Variants in HOMER2 observed in about 807,000 individuals in gnomAD.
The protein encoded by HOMER2 is homer scaffold protein 2.
A neutral mutation model predicts 47.0 loss-of-function variants in HOMER2; 27 were observed. The ratio of observed to expected loss-of-function variants is 0.57; its 90% CI spans 0.42 to 0.79. The LOEUF (loss-of-function observed/expected upper bound fraction) is 0.79, where lower values mean the gene tolerates loss of function less well. Among genes scored for constraint, HOMER2 ranks in the 30% least tolerant of loss-of-function variants. The pLI, the probability that HOMER2 is intolerant of heterozygous loss-of-function variation, is 0.00. For missense variants in HOMER2, 443 were observed against 435.0 expected (o/e 1.02, Z -0.16); for synonymous variants, 161 against 163.8 (o/e 0.98, Z 0.13).
At chr15:82,898,279 G>C (rs2038106319) in intron 1 of HOMER2, 1 of 152,198 alleles carries the variant, frequency 6.6e-6, no homozygotes, top group Non-Finnish European at 1.5e-5. Flanking sequence ...ATTTCCTCCA[G>C]TGTGCAAATC....
At chr15:82,978,462 C>T (rs563529121) in intron 1 of HOMER2, among the ~76,000 whole-genome samples, 7 of 152,062 alleles carry the variant, frequency 4.6e-5, no homozygotes, top group African/African-American at 1.7e-4. Flanking sequence ...ACCAGGTAGA[C>T]CAGAGTGGGG....
chr15:82,838,029 G>C (rs2051144149), exon 2 of HOMER2: 1 of 152,636 alleles, frequency 6.6e-6, no homozygotes, highest in Admixed American at 6.5e-5. Flanking sequence ...GGATTCCAGG[G>C]ATGGAACAGC....
intron 3 of HOMER2, among the ~76,000 whole-genome samples, chr15:82,868,714 G>A (rs1028389926): frequency 2.0e-5 from 3 of 150,232 alleles, no homozygotes; most frequent in African/African-American, 7.3e-5. Flanking sequence ...ACCACGCCCG[G>A]CTAATTTTGT....
chr15:82,852,107 C>A, intron 7 of HOMER2, 35 bp downstream of exon 7: 4 of 1,511,944 alleles, frequency 2.6e-6, no homozygotes, highest in Non-Finnish European at 2.8e-6. Flanking sequence ...GCCAAGAGGA[C>A]GCCAAGGGGC....
intron 2 of HOMER2, among the ~76,000 whole-genome samples, chr15:82,890,611 T>G (rs1014099155): frequency 4.6e-5 from 7 of 152,220 alleles, no homozygotes; most frequent in Admixed American, 4.6e-4. Context: ...TGTCACAGCC[T>G]TCAGGAACTG....
At chr15:82,902,475 C>T (rs1190918704) in intron 1 of HOMER2, among the ~76,000 whole-genome samples, 1 of 152,152 alleles carries the variant, frequency 6.6e-6, no homozygotes, top group Non-Finnish European at 1.5e-5. Flanking sequence ...GGATTACAGG[C>T]ATGAGCCACT....
intron 1 of HOMER2, among the ~76,000 whole-genome samples, chr15:82,935,721 A>G (rs1174389629): frequency 6.6e-6 from 1 of 152,042 alleles, no homozygotes; most frequent in Non-Finnish European, 1.5e-5. Flanking sequence ...CTCATCCCTT[A>G]TGCCATATCT....
rs116044758 is a variant in HOMER2 at position 82,868,412 on chromosome 15, A to G, written c.295-4153T>C. ...ACATATAGAGAAGAACAACACACAC[A>G]GAAGCCTACTGGAGGGTGGAGGGTG... On this transcript the variant is annotated intron_variant, in intron 3 of 8. Transcript: ENST00000450735. Among the ~76,000 whole-genome samples, 351 of 151,168 alleles carry G rather than the reference A, an allele frequency of 2.3e-3. 2 individuals carry two copies. Among genetic ancestry groups the G allele is most frequent in the African/African-American group, 7.8e-3 (320 of 41,200 alleles).
chr15:82,939,556 A>G (rs2054216518), intron 1 of HOMER2, among the ~76,000 whole-genome samples: 1 of 152,088 alleles, frequency 6.6e-6, no homozygotes, highest in Admixed American at 6.6e-5. Flanking sequence ...TGTAGTCCCA[A>G]CTACTTGGGG....
intron 1 of HOMER2, among the ~76,000 whole-genome samples, chr15:82,962,701 G>A (rs2054642156): frequency 1.3e-5 from 2 of 152,108 alleles, no homozygotes; most frequent in Admixed American, 1.3e-4. Flanking sequence ...GGGAAGTGGG[G>A]ACATGCCTAG....
chr15:82,836,653 A>G (rs1464650417), downstream of HOMER2, among the ~76,000 whole-genome samples: 1 of 152,222 alleles, frequency 6.6e-6, no homozygotes, highest in Non-Finnish European at 1.5e-5. Context: ...ATCTGCTCCT[A>G]GTACAGCCAA....
chr15:82,845,642 A>G (rs1041519790), downstream of HOMER2: 8 of 152,202 alleles, frequency 5.3e-5, no homozygotes, highest in Admixed American at 2.6e-4. Flanking sequence ...AGAAGGATGA[A>G]TGGAACAAAC....
intron 1 of HOMER2, among the ~76,000 whole-genome samples, chr15:82,909,436 G>C (rs886552704): frequency 3.3e-5 from 5 of 152,152 alleles, no homozygotes; most frequent in African/African-American, 1.2e-4. Context: ...TTTTAAAGAG[G>C]ACAGCGGTAC....
At chr15:82,928,231 C>T (rs892216636) in intron 1 of HOMER2, among the ~76,000 whole-genome samples, 10 of 152,164 alleles carry the variant, frequency 6.6e-5, no homozygotes, top group East Asian at 1.9e-4. Context: ...TTCCCACTGG[C>T]GGCCACCGCA....
Position 82,945,921 on chromosome 15 carries a change from A to G in HOMER2, c.5+6610T>C, listed in dbSNP as rs62011740. On this transcript the variant is annotated intron_variant, in intron 1 of 8. Transcript: ENST00000450735. ...AGAGGCGGAGGTTGCAGTGAGCCGA[A>G]ATCGCACCACTGCACTCCAGCATGG... Among the ~76,000 whole-genome samples, 383 of 152,126 alleles carry G rather than the reference A, an allele frequency of 2.5e-3. 1 individual carries two copies. The highest frequency in any genetic ancestry group is 4.6e-3 in the Non-Finnish European group (310 of 67,978).
At chr15:82,879,521 TAAAG>T (rs991349550) in intron 2 of HOMER2, among the ~76,000 whole-genome samples, 4 of 151,994 alleles carry the variant, frequency 2.6e-5, no homozygotes, top group African/African-American at 9.7e-5. Context: ...AGAAAGAAAA[TAAAG>T]AAATCATAGT....
chr15:82,955,301 C>G (rs2151246723), upstream of HOMER2, among the ~76,000 whole-genome samples: 1 of 151,962 alleles, frequency 6.6e-6, no homozygotes, highest in Admixed American at 6.6e-5. Context: ...TCCCGAGTAG[C>G]TGGGGCTACA....
intron 1 of HOMER2, among the ~76,000 whole-genome samples, chr15:82,914,423 T>C (rs1036991411): frequency 6.8e-6 from 1 of 147,010 alleles, no homozygotes; most frequent in Non-Finnish European, 1.5e-5. Context: ...TGCTACAACA[T>C]GGATGAACTT....
At chr15:82,918,597 AC>A (rs1397417691) in intron 1 of HOMER2, among the ~76,000 whole-genome samples, 1 of 152,012 alleles carries the variant, frequency 6.6e-6, no homozygotes, top group Non-Finnish European at 1.5e-5. Flanking sequence ...CTATGTGATG[AC>A]ACCTGAATGT....
Sources: gnomAD v4.1 joint callset for allele counts (sites outside exome capture counted in the v4.1 genomes callset) on GRCh38, gnomAD v4.1.1 for gene constraint, MANE v1.5 for transcripts, NCBI Gene and HGNC (gene_info 2026-07-23, HGNC 2026-07-21) for gene names.